The following ANGPTL3 variants were observed in gnomAD, a reference collection of about 807,000 sequenced individuals.
The protein encoded by ANGPTL3 is angiopoietin-related protein 3.
In ANGPTL3, 51 loss-of-function variants were observed where a neutral mutation model predicts 52.7. That is an observed-to-expected ratio of 0.97 (90% CI 0.77 to 1.22). The LOEUF (loss-of-function observed/expected upper bound fraction) is 1.22. Among genes scored for constraint, ANGPTL3 ranks in the 50% most tolerant of loss-of-function variants. ANGPTL3 has a pLI of 0.00. For missense variants in ANGPTL3, 506 were observed against 520.7 expected (o/e 0.97, Z 0.27); for synonymous variants, 185 against 179.8 (o/e 1.03, Z -0.23).
At chr1:62,600,278 T>C (rs1371325867) in intron 2 of ANGPTL3, among the ~76,000 whole-genome samples, 1 of 151,760 alleles carries the variant, frequency 6.6e-6, no homozygotes, top group Admixed American at 6.6e-5. Flanking sequence ...AACTTTCTCA[T>C]ATTTAAATTA....
chr1:62,600,714 TAAAACTG>T (rs1179773430), intron 2 of ANGPTL3, among the ~76,000 whole-genome samples: 1 of 151,782 alleles, frequency 6.6e-6, no homozygotes, highest in East Asian at 1.9e-4. Flanking sequence ...CAGTAAGACC[TAAAACTG>T]AAAATTATTA....
rs1424627441 is a variant in ANGPTL3 at position 62,604,812 on chromosome 1, G to C, written c.1378G>C (p.Glu460Gln). The C allele has an allele frequency of 1.2e-6, 2 of 1,612,640 alleles. No individual in the cohort carries two copies. Among genetic ancestry groups the C allele is most frequent in the Non-Finnish European group, 1.7e-6 (2 of 1,179,100 alleles). The change falls in exon 7 of 7, where the codon GAA (glutamate) becomes CAA (glutamine). Residue 460 changes from glutamate (E) to glutamine (Q), a missense_variant. By Grantham distance (29) the Glu-to-Gln change is conservative. Transcript: ENST00000371129. ...CCATCCAACAGATTCAGAAAGCTTT[G>C]AATGAACTGAGGCAAATTTAAAAGG... The part of the protein sequence containing the change: ...LIHPTDSESF[E>Q]
At chr1:62,599,212 C>G (rs1195875695) in intron 2 of ANGPTL3, among the ~76,000 whole-genome samples, 1 of 152,042 alleles carries the variant, frequency 6.6e-6, no homozygotes, top group Admixed American at 6.6e-5. Flanking sequence ...CAAGATTACC[C>G]AACCCTTCGT....
At position 62,597,534 on chromosome 1, in the gene ANGPTL3, C is replaced by A; in HGVS notation, c.-33C>A. On this transcript the variant is annotated 5_prime_UTR_variant, in exon 1 of 7. Coordinates refer to ENST00000371129, the MANE Select transcript of ANGPTL3 (RefSeq NM_014495.4). The stretch of plus-strand genomic sequence containing the variant: ...GGTCTGCTTCCAGAAGAAAACAGTT[C>A]CACGTTGCTTGAAATTGAAAATCAA... The A allele has an allele frequency of 6.2e-7, 1 of 1,610,440 alleles. No homozygotes were observed. Among genetic ancestry groups the A allele is most frequent in the Non-Finnish European group, 8.5e-7 (1 of 1,178,206 alleles).
At position 62,601,174 on chromosome 1, in the gene ANGPTL3, A is replaced by G. The variant is rs1650062125; in HGVS notation, c.699A>G (p.Glu233=). 1 of 1,607,666 alleles carries G rather than the reference A, an allele frequency of 6.2e-7. No homozygotes were observed. The highest frequency in any genetic ancestry group is 1.3e-5 in the African/African-American group (1 of 74,698). Residue 233 remains glutamate (E), a synonymous_variant, in exon 3 of 7, where the codon GAA becomes GAG. Coordinates refer to ENST00000371129, the MANE Select transcript of ANGPTL3 (RefSeq NM_014495.4). ...PRTTPFLQLN[E]IRNVKHDGIP... Reference sequence around the variant, plus strand: ...CTACTCCCTTTCTTCAGTTGAATGAAATAAGAAATGTAAAACATGATGGTA... The same window carrying G: ...CTACTCCCTTTCTTCAGTTGAATGAGATAAGAAATGTAAAACATGATGGTA...
rs756641927 is a variant in ANGPTL3 at position 62,597,757 on chromosome 1, C to T, written c.191C>T (p.Thr64Met). The T allele has an allele frequency of 4.3e-6, 7 of 1,613,452 alleles. No homozygotes were observed. Among genetic ancestry groups the T allele is most frequent in the East Asian group, 2.2e-5 (1 of 44,838 alleles). ...GHGLKDFVHK[T>M]KGQINDIFQK... is the part of the protein sequence containing the mutation. Reference sequence around the variant, plus strand: ...GGTCTTAAAGACTTTGTCCATAAGACGAAGGGCCAAATTAATGACATATTT... The same window carrying T: ...GGTCTTAAAGACTTTGTCCATAAGATGAAGGGCCAAATTAATGACATATTT... The change falls in exon 1 of 7, where the codon ACG (threonine) becomes ATG (methionine). Residue 64 changes from threonine to methionine, a missense_variant. Physicochemically the swap from Thr to Met is moderately conservative, Grantham distance 81. Coordinates refer to ENST00000371129, the MANE Select transcript of ANGPTL3 (RefSeq NM_014495.4).
At chr1:62,599,645 A>G (rs1045404353) in intron 2 of ANGPTL3, among the ~76,000 whole-genome samples, 1 of 152,114 alleles carries the variant, frequency 6.6e-6, no homozygotes, top group Non-Finnish European at 1.5e-5. Context: ...TCCAGAATAT[A>G]GAATACTGTA....
At chr1:62,600,625 T>G (rs1257882592) in intron 2 of ANGPTL3, among the ~76,000 whole-genome samples, 2 of 151,816 alleles carry the variant, frequency 1.3e-5, no homozygotes, top group Non-Finnish European at 3.0e-5. Flanking sequence ...ACAGATATGT[T>G]TACAGGTCAA....
Position 62,605,511 on chromosome 1 carries a change from G to A in ANGPTL3, c.*694G>A, listed in dbSNP as rs1341050414. The A allele has an allele frequency of 3.3e-5, 5 of 152,322 alleles. No homozygotes were observed. The highest frequency in any genetic ancestry group is 5.9e-5 in the Non-Finnish European group (4 of 67,890). 9.4% of individuals were successfully genotyped at this position (152,322 alleles called of 1,614,324 possible). A position where few individuals can be genotyped will look rare whatever the true frequency, so the allele number is the denominator to read the frequency against. On this transcript the variant is annotated 3_prime_UTR_variant, in exon 7 of 7. Coordinates refer to ENST00000371129, the MANE Select transcript of ANGPTL3 (RefSeq NM_014495.4). The stretch of plus-strand genomic sequence containing the variant: ...CATGAGGTATCACTATACCTTATTT[G>A]TTAAAATATATACTGTATACATTTT...
intron 2 of ANGPTL3, among the ~76,000 whole-genome samples, chr1:62,599,651 C>T (rs1187597948): frequency 6.6e-6 from 1 of 151,922 alleles, no homozygotes; most frequent in Non-Finnish European, 1.5e-5. Context: ...ATATAGAATA[C>T]TGTATGGCAC....
chr1:62,598,065 A>G lies in ANGPTL3; in HGVS notation c.495+4A>G. 1 of 1,578,624 alleles carries G rather than the reference A, an allele frequency of 6.3e-7. No individual in the cohort carries two copies. Among genetic ancestry groups the G allele is most frequent in the Non-Finnish European group, 8.6e-7 (1 of 1,168,610 alleles). ...CCCAGAAGTAACTTCACTTAAAGTAAGTAGAAAATAAAGAGGGTTCATGTT... is the reference window on the plus strand; with the variant it reads ...CCCAGAAGTAACTTCACTTAAAGTAGGTAGAAAATAAAGAGGGTTCATGTT... On this transcript the variant is annotated splice_donor_region_variant and intron_variant, in intron 1 of 6. Coordinates refer to ENST00000371129, the MANE Select transcript of ANGPTL3 (RefSeq NM_014495.4).
intron 1 of ANGPTL3, 74 bp downstream of exon 1, chr1:62,598,135 T>C: frequency 7.3e-7 from 1 of 1,365,006 alleles, no homozygotes; most frequent in Non-Finnish European, 9.8e-7. Flanking sequence ...TTCTAAGGCA[T>C]GCCATTTGAA....
Position 62,601,813 on chromosome 1 carries a change from A to G in ANGPTL3, c.766A>G (p.Thr256Ala), listed in dbSNP as rs200949988. 1.8e-4 allele frequency: 297 copies of G among 1,610,290 alleles called. 1 individual carries two copies. In the Middle Eastern group the frequency reaches 2.0e-3, roughly 11 times the overall value. ...CACCATTTATAACAGAGGTGAACATACAAGTGGCATGTATGCCATCAGACC... is the reference window on the plus strand; with the variant it reads ...CACCATTTATAACAGAGGTGAACATGCAAGTGGCATGTATGCCATCAGACC... ...CTTIYNRGEH[T>A]SGMYAIRPSN... The change falls in exon 4 of 7, where the codon ACA (threonine) becomes GCA (alanine). Residue 256 changes from threonine (T) to alanine (A), a missense_variant. Transcript: ENST00000371129.
Position 62,597,931 on chromosome 1 carries a change from C to T in ANGPTL3, c.365C>T (p.Ser122Leu). 1.9e-6 allele frequency: 3 copies of T among 1,550,132 alleles called. No individual in the cohort carries two copies. The highest frequency in any genetic ancestry group is 2.6e-6 in the Non-Finnish European group (3 of 1,155,996). ...AAGAATATGTCACTTGAACTCAACT[C>T]AAAACTTGAAAGCCTCCTAGAAGAA... The part of the protein sequence containing the change: ...EVKNMSLELN[S>L]KLESLLEEKI... Residue 122 changes from serine (S) to leucine (L), a missense_variant, in exon 1 of 7, where the codon TCA becomes TTA. Transcript: ENST00000371129.
intron 2 of ANGPTL3, among the ~76,000 whole-genome samples, chr1:62,599,778 CATTCAACAATGTA>C (rs1649833840): frequency 6.6e-6 from 1 of 151,852 alleles, no homozygotes; most frequent in African/African-American, 2.4e-5. Flanking sequence ...TAAAGGTCAA[CATTCAACAATGTA>C]ATTAATCTAC....
intron 4 of ANGPTL3, 90 bp downstream of exon 4, chr1:62,601,972 C>CAT (rs913182728): frequency 1.2e-5 from 9 of 749,572 alleles, no homozygotes; most frequent in African/African-American, 5.3e-5. Flanking sequence ...TTGTTTTATA[C>CAT]ATATATATAT....
intron 5 of ANGPTL3, among the ~76,000 whole-genome samples, chr1:62,602,649 T>C (rs1650323223): frequency 6.6e-6 from 1 of 151,820 alleles, no homozygotes; most frequent in South Asian, 2.1e-4. Context: ...ATCATAACTA[T>C]AATTATTAAA....
Position 62,601,826 on chromosome 1 carries a change from ATG to A in ANGPTL3, c.780_781del (p.Ala261HisfsTer14). The stretch of plus-strand genomic sequence containing the variant: ...AGAGGTGAACATACAAGTGGCATGT[ATG>A]CCATCAGACCCAGCAACTCTCAAGT... On this transcript the variant is annotated frameshift_variant, in exon 4 of 7. Coordinates refer to ENST00000371129, the MANE Select transcript of ANGPTL3 (RefSeq NM_014495.4). LOFTEE classifies it high-confidence loss of function. The A allele has an allele frequency of 6.2e-7, 1 of 1,610,448 alleles. No homozygotes were observed.
At chr1:62,600,329 C>G (rs1649920470) in intron 2 of ANGPTL3, among the ~76,000 whole-genome samples, 1 of 151,730 alleles carries the variant, frequency 6.6e-6, no homozygotes, top group African/African-American at 2.4e-5. Context: ...TTTAAGATCA[C>G]ATAGTTACTT....
Sources: gnomAD v4.1 joint callset for allele counts (sites outside exome capture counted in the v4.1 genomes callset) on GRCh38, gnomAD v4.1.1 for gene constraint, MANE v1.5 for transcripts, NCBI Gene and HGNC (gene_info 2026-07-23, HGNC 2026-07-21) for gene names.